The following BLTP1 variants were observed in gnomAD, a reference collection of about 807,000 sequenced individuals.
BLTP1 encodes the protein bridge-like lipid transfer protein family member 1.
chr4:122,263,254 CCT>C, the BLTP1 span: 49 of 984,362 alleles, frequency 5.0e-5, no homozygotes, highest in East Asian at 2.3e-4. Flanking sequence ...TAGAATTTCC[CCT>C]GTTATAATAA....
chr4:122,220,213 G>A, the BLTP1 span: 1 of 1,063,574 alleles, frequency 9.4e-7, no homozygotes, highest in Non-Finnish European at 1.3e-6. Context: ...AGTAATCATA[G>A]TTTCTCTGTT....
the BLTP1 span, chr4:122,180,012 A>C: frequency 2.1e-6 from 2 of 972,900 alleles, no homozygotes; most frequent in Non-Finnish European, 2.4e-6. Context: ...CATCTCTCAT[A>C]TACACGTGCA....
chr4:122,209,009 A>AAAG, the BLTP1 span: 1 of 812,826 alleles, frequency 1.2e-6, no homozygotes, highest in Non-Finnish European at 1.6e-6. Flanking sequence ...AAAAAAGATA[A>AAAG]ATAATACAAT....
At chr4:122,235,564 G>T in the BLTP1 span, 1 of 638,250 alleles carries the variant, frequency 1.6e-6, no homozygotes, top group Non-Finnish European at 1.9e-6. Flanking sequence ...CCAGCACTTT[G>T]GGAGGCCAAG....
the BLTP1 span, chr4:122,172,325 A>G: frequency 1.4e-6 from 1 of 723,638 alleles, no homozygotes; most frequent in African/African-American, 1.9e-5. Flanking sequence ...AGGATAAGTA[A>G]GAGCAAATTG....
chr4:122,240,062 T>G, the BLTP1 span: 4 of 1,614,076 alleles, frequency 2.5e-6, no homozygotes, highest in Non-Finnish European at 2.5e-6. Flanking sequence ...AAACTCATCC[T>G]TCTCAGGCTT....
chr4:122,353,145 C>A, the BLTP1 span: 4 of 1,613,098 alleles, frequency 2.5e-6, no homozygotes, highest in African/African-American at 4.0e-5. This position sits in a 1 kb window ranked among gnomAD's most constrained non-coding sequence, Gnocchi z 4.3. Flanking sequence ...CTCAGAAAAT[C>A]TGGGAAGATG....
At chr4:122,321,624 C>T in the BLTP1 span, among the ~76,000 whole-genome samples, 1 of 151,884 alleles carries the variant, frequency 6.6e-6, no homozygotes, top group East Asian at 1.9e-4. Context: ...CCTGTTAGGT[C>T]GATTATGAAT....
chr4:122,194,670 G>C, the BLTP1 span: 1 of 902,296 alleles, frequency 1.1e-6, no homozygotes, highest in Non-Finnish European at 1.3e-6. Context: ...AAGTGTGTTT[G>C]CATTTTTTAG....
chr4:122,337,609 A>G, the BLTP1 span, among the ~76,000 whole-genome samples: 1 of 151,982 alleles, frequency 6.6e-6, no homozygotes, highest in Non-Finnish European at 1.5e-5. Flanking sequence ...AAAAATAAAA[A>G]TATTTAAGTT....
the BLTP1 span, chr4:122,268,999 CTTGTTAT>C: frequency 2.5e-6 from 1 of 408,016 alleles, no homozygotes; most frequent in African/African-American, 2.2e-5. Flanking sequence ...TATTGGGAGA[CTTGTTAT>C]TTAAGTAAAC....
the BLTP1 span, chr4:122,203,642 CAA>C: frequency 1.9e-5 from 3 of 155,926 alleles, no homozygotes; most frequent in Non-Finnish European, 4.2e-5. Context: ...GGTTTAATAA[CAA>C]TGCATATTAA....
chr4:122,271,337 A>G, the BLTP1 span: 1 of 1,613,876 alleles, frequency 6.2e-7, no homozygotes, highest in South Asian at 1.1e-5. Flanking sequence ...TGCTTCCCCA[A>G]CACCTACCTT....
the BLTP1 span, chr4:122,261,539 A>C: frequency 6.1e-6 from 6 of 983,678 alleles, no homozygotes; most frequent in South Asian, 2.4e-4. Context: ...TGTAATTTTT[A>C]ATTTTTTTTC....
the BLTP1 span, among the ~76,000 whole-genome samples, chr4:122,350,655 A>T: frequency 6.6e-6 from 1 of 152,214 alleles, no homozygotes; most frequent in Non-Finnish European, 1.5e-5. Context: ...GAATGATTAA[A>T]TGTGAGGATA....
the BLTP1 span, chr4:122,269,333 T>C: frequency 1.2e-6 from 1 of 843,544 alleles, no homozygotes; most frequent in Non-Finnish European, 1.4e-6. Context: ...GTAAAAACCA[T>C]ATAATACTAC....
At chr4:122,331,310 A>G in the BLTP1 span, 61 of 1,602,518 alleles carry the variant, frequency 3.8e-5, no homozygotes, top group African/African-American at 5.4e-5. Flanking sequence ...GTAATGATCA[A>G]TTGTTCTTTC....
the BLTP1 span, chr4:122,302,326 A>G: frequency 1.2e-6 from 1 of 816,214 alleles, no homozygotes; most frequent in Non-Finnish European, 1.5e-6. Context: ...ACTTCGCTTT[A>G]TTGTGTTTCA....
At chr4:122,254,109 G>C in the BLTP1 span, 84 of 1,249,110 alleles carry the variant, frequency 6.7e-5, 1 homozygote, top group African/African-American at 1.1e-3. Context: ...TTGATGAAAA[G>C]GTTTTGCACT....
Sources: gnomAD v4.1 joint callset for allele counts (sites outside exome capture counted in the v4.1 genomes callset) on GRCh38, gnomAD v4.1.1 for gene constraint, Gnocchi (gnomAD v3.1) non-coding constraint, MANE v1.5 for transcripts, NCBI Gene and HGNC (gene_info 2026-07-23, HGNC 2026-07-21) for gene names.